The following FHIT variants were observed in gnomAD, a reference collection of about 807,000 sequenced individuals.
FHIT encodes the protein bis(5'-adenosyl)-triphosphatase.
A neutral mutation model predicts 17.9 loss-of-function variants in FHIT; 19 were observed. The ratio of observed to expected loss-of-function variants is 1.06; its 90% confidence interval spans 0.74 to 1.56. FHIT has a LOEUF of 1.56. Among genes scored for constraint, FHIT ranks in the 40% most tolerant of loss-of-function variants. The pLI, the probability that FHIT is intolerant of heterozygous loss-of-function variation, is 0.00. For synonymous variants in FHIT, 81 were observed against 69.7 expected, an observed-to-expected ratio of 1.16 and a Z score of -0.81; for missense variants, 248 against 189.2, an observed-to-expected ratio of 1.31 and a Z score of -1.82.
intron 4 of FHIT, among the ~76,000 whole-genome samples, chr3:60,795,114 T>C (rs565433807): frequency 6.6e-6 from 1 of 152,224 alleles, no homozygotes; most frequent in Non-Finnish European, 1.5e-5. Context: ...ATCTTGCTTT[T>C]TTTTCACTTC....
At chr3:60,159,714 T>C (rs1297346974) in intron 5 of FHIT, among the ~76,000 whole-genome samples, 1 of 152,174 alleles carries the variant, frequency 6.6e-6, no homozygotes, top group African/African-American at 2.4e-5. Context: ...TGGTAGATGC[T>C]AGAATTATCC....
In FHIT at chr3:60,862,851, CA is replaced by C. The variant is rs35183529; in HGVS notation, c.-110-40841del. 8.1e-3 allele frequency among the ~76,000 whole-genome samples: 867 copies of C among 107,476 alleles called. 7 individuals carry two copies. Among genetic ancestry groups the C allele is most frequent in the South Asian group, 0.074 (223 of 3,016 alleles). The allele number at this position is 107,476 out of a possible 152,430, so 70.5% of individuals were successfully genotyped here. A position where few individuals can be genotyped will look rare whatever the true frequency, so the allele number is the denominator to read the frequency against. On this transcript the variant is annotated intron_variant, in intron 3 of 9. Transcript: ENST00000492590. ...TGGGCGACAGAGTGAAACTCCCTCT[CA>C]AAAAAAAAAAAAAAAAGATTCCTGT...
At chr3:60,676,115 C>A (rs1273507395) in intron 4 of FHIT, among the ~76,000 whole-genome samples, 2 of 152,184 alleles carry the variant, frequency 1.3e-5, no homozygotes, top group African/African-American at 4.8e-5. Context: ...ATGGGAATAG[C>A]AGCTAAAGCT....
chr3:61,172,314 G>C (rs2038029042), intron 2 of FHIT, among the ~76,000 whole-genome samples: 1 of 152,098 alleles, frequency 6.6e-6, no homozygotes, highest in African/African-American at 2.4e-5. Context: ...TGTAAACTTA[G>C]CTTAAAATAT....
chr3:60,480,483 G>C (rs753323000), intron 5 of FHIT, among the ~76,000 whole-genome samples: 1 of 152,102 alleles, frequency 6.6e-6, no homozygotes, highest in Non-Finnish European at 1.5e-5. Context: ...TCTCATCTAA[G>C]ACAAGGCAAG....
rs377297292 is a variant in FHIT, at chr3:61,211,914, T to C, written c.-212-11249A>G. 3.3e-5 allele frequency among the ~76,000 whole-genome samples: 5 copies of C among 152,298 alleles called. No homozygotes were observed. In the East Asian group the frequency reaches 7.7e-4, roughly 24 times the overall value. On this transcript the variant is annotated intron_variant, in intron 1 of 9. Coordinates refer to ENST00000492590, the MANE Select transcript of FHIT (RefSeq NM_002012.4). ...GCAAACAGAGTCTGGAGTGGACCTC[T>C]AGCAAACTCCAACAGTCCTGCAGCT... is the stretch of plus-strand genomic sequence containing the variant.
chr3:60,894,216 G>A (rs1705667342), intron 3 of FHIT, among the ~76,000 whole-genome samples: 1 of 152,160 alleles, frequency 6.6e-6, no homozygotes, highest in Non-Finnish European at 1.5e-5. Flanking sequence ...CATCAAAAAA[G>A]GCTATTGTTA....
intron 5 of FHIT, among the ~76,000 whole-genome samples, chr3:60,055,239 T>C (rs896309279): frequency 2.0e-5 from 3 of 152,148 alleles, no homozygotes; most frequent in Admixed American, 6.5e-5. Context: ...AGGGATTTCA[T>C]TGTCAACTCC....
intron 5 of FHIT, among the ~76,000 whole-genome samples, chr3:60,332,775 C>A (rs1280235702): frequency 1.3e-5 from 2 of 152,132 alleles, no homozygotes; most frequent in Non-Finnish European, 2.9e-5. Flanking sequence ...CCATCCCTAT[C>A]ACAACCAAGA....
chr3:61,214,296 T>C (rs910923549), intron 1 of FHIT, among the ~76,000 whole-genome samples: 1 of 152,014 alleles, frequency 6.6e-6, no homozygotes, highest in African/African-American at 2.4e-5. Flanking sequence ...AAGAATCAAA[T>C]AGACGCAGTA....
intron 1 of FHIT, among the ~76,000 whole-genome samples, chr3:61,217,076 A>C (rs1411653852): frequency 6.6e-6 from 1 of 152,188 alleles, no homozygotes; most frequent in African/African-American, 2.4e-5. Flanking sequence ...GCACACCAGC[A>C]TGGCAGATGT....
chr3:60,643,093 C>T (rs1411375816), intron 4 of FHIT, among the ~76,000 whole-genome samples: 1 of 152,130 alleles, frequency 6.6e-6, no homozygotes, highest in Non-Finnish European at 1.5e-5. Flanking sequence ...ATTTCCAGGG[C>T]CTCACATATA....
At chr3:60,933,552 A>T (rs532422278) in intron 3 of FHIT, among the ~76,000 whole-genome samples, 4 of 152,348 alleles carry the variant, frequency 2.6e-5, no homozygotes, top group African/African-American at 9.6e-5. Context: ...TGGACAGCTC[A>T]GGTAAGCCTC....
At chr3:60,993,898 C>G (rs1006235342) in intron 3 of FHIT, among the ~76,000 whole-genome samples, 2 of 152,242 alleles carry the variant, frequency 1.3e-5, no homozygotes, top group Middle Eastern at 3.4e-3. Context: ...TGATATACAC[C>G]TGGGCTGCCA....
intron 8 of FHIT, among the ~76,000 whole-genome samples, chr3:59,877,111 A>T (rs1356611676): frequency 6.6e-6 from 1 of 152,236 alleles, no homozygotes; most frequent in East Asian, 1.9e-4. Context: ...GAAATTGAAG[A>T]GTAGAAAGAA....
intron 2 of FHIT, among the ~76,000 whole-genome samples, chr3:61,197,011 C>G (rs562057755): frequency 4.4e-4 from 67 of 152,274 alleles, no homozygotes; most frequent in African/African-American, 1.1e-3. Flanking sequence ...GAGAGAGGAG[C>G]TGGAAGCACA....
At chr3:60,198,007 G>A (rs1245651944) in intron 5 of FHIT, among the ~76,000 whole-genome samples, 4 of 152,114 alleles carry the variant, frequency 2.6e-5, no homozygotes, top group Admixed American at 2.6e-4. Context: ...TTCTGATGAT[G>A]GATAAAACAA....
At chr3:60,536,127 A>G in intron 5 of FHIT, 1 of 152,148 alleles carries the variant, frequency 6.6e-6, no homozygotes, top group East Asian at 1.9e-4. Flanking sequence ...CAGGAGTGAA[A>G]CTTTTAACAA....
At chr3:60,284,272 T>C (rs920968928) in intron 5 of FHIT, among the ~76,000 whole-genome samples, 1 of 152,176 alleles carries the variant, frequency 6.6e-6, no homozygotes, top group Admixed American at 6.5e-5. Flanking sequence ...TGTGTGACAT[T>C]GGCAAATGGT....
Sources: gnomAD v4.1 joint callset for allele counts (sites outside exome capture counted in the v4.1 genomes callset) on GRCh38, gnomAD v4.1.1 for gene constraint, MANE v1.5 for transcripts, NCBI Gene and HGNC (gene_info 2026-07-23, HGNC 2026-07-21) for gene names.